Variants in KLRG1 observed in about 807,000 individuals in gnomAD.
The protein encoded by KLRG1 is killer cell lectin-like receptor subfamily G member 1.
KLRG1 carries 16 observed loss-of-function variants against 21.8 expected under a neutral mutation model. The observed-to-expected ratio is 0.73, with a 90% CI of 0.50 to 1.11. The LOEUF is 1.11. Ranked by LOEUF, KLRG1 falls within the 50% of genes most tolerant of loss-of-function variation. KLRG1 has a pLI of 0.00. For missense variants in KLRG1, 173 were observed against 218.3 expected (o/e 0.79, Z 1.31); for synonymous variants, 69 against 75.9 (o/e 0.91, Z 0.47).
the KLRG1 span, among the ~76,000 whole-genome samples, chr12:9,158,752 C>CT: frequency 0.21 from 18,430 of 88,934 alleles, 1,372 homozygotes; most frequent in Admixed American, 0.29. Context: ...TTTTTCTTTT[C>CT]TTTTCTTTTT....
chr12:9,166,082 T>G, the KLRG1 span: 1 of 1,610,734 alleles, frequency 6.2e-7, no homozygotes, highest in Non-Finnish European at 8.5e-7. Flanking sequence ...GATCCAAGTC[T>G]CAGGAAAATA....
chr12:8,953,216 C>T (rs1460374328), intron 1 of KLRG1, among the ~76,000 whole-genome samples: 1 of 152,176 alleles, frequency 6.6e-6, no homozygotes, highest in East Asian at 1.9e-4. Context: ...AGCGATGGAA[C>T]AGCTCTCAGC....
intron 1 of KLRG1, among the ~76,000 whole-genome samples, chr12:8,955,340 ATCT>A: frequency 7.0e-6 from 1 of 142,786 alleles, no homozygotes; most frequent in Middle Eastern, 4.6e-3. Context: ...CTATCCAGTC[ATCT>A]TCTCCTAGTC....
In KLRG1 at chr12:9,008,977, C is replaced by T; in HGVS notation, c.360C>T (p.Ser120=). Residue 120 remains serine, a splice_region_variant and synonymous_variant, in exon 4 of 5, where the codon AGC becomes AGT. Coordinates refer to ENST00000356986, the MANE Select transcript of KLRG1 (RefSeq NM_005810.4). ...TTGGTTTTCAACCTCTCCCTTAGAG[C>T]CTGCTCCAAGTTTTCCTCAGTGAGG... ...LLVITDNQEM[S]LLQVFLSEAF... 6.2e-7 allele frequency: 1 copy of T among 1,612,684 alleles called. No individual in the cohort carries two copies. The highest frequency in any genetic ancestry group is 8.5e-7 in the Non-Finnish European group (1 of 1,179,204).
the KLRG1 span, chr12:9,148,815 G>T: frequency 1.0e-3 from 649 of 626,052 alleles, 6 homozygotes; most frequent in East Asian, 0.017. Context: ...ATTAATGTCT[G>T]ATGAATGAAT....
chr12:9,043,887 A>G, the KLRG1 span, among the ~76,000 whole-genome samples: 177 of 152,354 alleles, frequency 1.2e-3, 1 homozygote, highest in Non-Finnish European at 2.2e-3. Flanking sequence ...TGGAGAGACC[A>G]TAAAATGAAG....
the KLRG1 span, among the ~76,000 whole-genome samples, chr12:9,166,821 A>G: frequency 3.6e-3 from 550 of 152,292 alleles, 3 homozygotes; most frequent in Middle Eastern, 0.048. Flanking sequence ...GGTTCAGACA[A>G]AGAAATCATT....
the KLRG1 span, among the ~76,000 whole-genome samples, chr12:9,209,830 A>G: frequency 4.6e-5 from 7 of 152,252 alleles, no homozygotes; most frequent in Non-Finnish European, 8.8e-5. Context: ...GTATGCACAT[A>G]TTGTAAAATA....
At chr12:9,011,759 C>T (rs12809367), downstream of KLRG1, among the ~76,000 whole-genome samples, 35,568 of 152,096 alleles carry the variant, frequency 0.23, 4,863 homozygotes, top group East Asian at 0.37. Flanking sequence ...AATGCCACCC[C>T]TTCCCCATCT....
chr12:9,042,314 T>C, the KLRG1 span, among the ~76,000 whole-genome samples: 1 of 152,248 alleles, frequency 6.6e-6, no homozygotes, highest in Non-Finnish European at 1.5e-5. Flanking sequence ...ATCTCCATTC[T>C]CTTCCAGTAA....
chr12:8,962,679 G>A (rs1290772552), intron 1 of KLRG1, among the ~76,000 whole-genome samples: 1 of 148,654 alleles, frequency 6.7e-6, no homozygotes, highest in Non-Finnish European at 1.5e-5. Flanking sequence ...TCACACCACT[G>A]CACTCCAGCC....
chr12:9,197,416 A>G, the KLRG1 span, among the ~76,000 whole-genome samples: 208 of 137,824 alleles, frequency 1.5e-3, 1 homozygote, highest in African/African-American at 5.6e-3. Flanking sequence ...TTAATGTTTA[A>G]TTAAAATAAT....
At chr12:8,982,084 C>T (rs1240094836) in intron 1 of KLRG1, among the ~76,000 whole-genome samples, 3 of 152,142 alleles carry the variant, frequency 2.0e-5, no homozygotes, top group African/African-American at 7.2e-5. Flanking sequence ...ACACCCTAAT[C>T]CCTTCAGCCT....
At chr12:9,206,038 G>T in the KLRG1 span, among the ~76,000 whole-genome samples, 1 of 152,152 alleles carries the variant, frequency 6.6e-6, no homozygotes, top group Non-Finnish European at 1.5e-5. Flanking sequence ...GTAAGGTTTT[G>T]TTCTCTAGCA....
the KLRG1 span, chr12:9,095,731 C>G: frequency 2.0e-6 from 1 of 510,270 alleles, no homozygotes; most frequent in Non-Finnish European, 3.3e-6. Flanking sequence ...AAAAGGCAAA[C>G]TTATTTGTGA....
the KLRG1 span, chr12:9,157,399 G>A: frequency 0.29 from 457,364 of 1,566,490 alleles, 70,369 homozygotes; most frequent in Admixed American, 0.34. Context: ...GGTGAATAGA[G>A]GGCAGAGCAA....
chr12:9,069,373 GT>G, the KLRG1 span, among the ~76,000 whole-genome samples: 1 of 152,044 alleles, frequency 6.6e-6, no homozygotes. Context: ...GAGACTGACA[GT>G]TTTTTTTCCC....
chr12:9,053,036 T>C, the KLRG1 span, among the ~76,000 whole-genome samples: 3 of 152,208 alleles, frequency 2.0e-5, no homozygotes, highest in Non-Finnish European at 4.4e-5. Context: ...GATGAGACAA[T>C]GGCCAGGGCC....
chr12:9,203,991 A>G, the KLRG1 span: 2 of 1,528,322 alleles, frequency 1.3e-6, no homozygotes, highest in Non-Finnish European at 1.8e-6. Flanking sequence ...AAAACTGATG[A>G]TAGTAAGCGT....
Sources: allele counts gnomAD v4.1 joint callset (sites outside exome capture counted in the v4.1 genomes callset), GRCh38; gene constraint gnomAD v4.1.1; transcripts MANE v1.5; gene names NCBI Gene and HGNC (gene_info 2026-07-23, HGNC 2026-07-21).